Variants in PCDHGB1 observed in about 807,000 individuals in gnomAD.
The protein encoded by PCDHGB1 is protocadherin gamma subfamily B, 1.
A neutral mutation model predicts 56.6 loss-of-function variants in PCDHGB1; 34 were observed. The observed-to-expected ratio is 0.60, with a 90% confidence interval of 0.46 to 0.80. The LOEUF is 0.80. Ranked by LOEUF, PCDHGB1 falls within the 30% of genes least tolerant of loss-of-function variation. PCDHGB1 has a pLI of 0.00. For synonymous variants in PCDHGB1, 561 were observed against 505.9 expected (o/e 1.11, Z -1.46); for missense variants, 1,278 against 1,204.6 (o/e 1.06, Z -0.90).
intron 1 of PCDHGB1, among the ~76,000 whole-genome samples, chr5:141,363,346 G>C (rs1762883657): frequency 6.6e-6 from 1 of 152,068 alleles, no homozygotes; most frequent in African/African-American, 2.4e-5. Flanking sequence ...ATGACTTTCT[G>C]AAATGTCCAT....
chr5:141,422,996 C>G lies in PCDHGB1; in HGVS notation c.2409+70327C>G. 1.2e-6 allele frequency: 2 copies of G among 1,614,224 alleles called. No homozygotes were observed. The highest frequency in any genetic ancestry group is 1.7e-6 in the Non-Finnish European group (2 of 1,180,046). On this transcript the variant is annotated intron_variant, in intron 1 of 3. Coordinates refer to ENST00000523390, the MANE Select transcript of PCDHGB1 (RefSeq NM_018922.3). ...TCTGCGGAACCTGGCTACCTGGTGA[C>G]CAAGGTGGTTGCGGTGGACAAAGAT...
intron 1 of PCDHGB1, among the ~76,000 whole-genome samples, chr5:141,456,707 G>A (rs1198079338): frequency 6.6e-6 from 1 of 152,208 alleles, no homozygotes; most frequent in African/African-American, 2.4e-5. Context: ...GCTCGCGCCT[G>A]TAATCCCAGC....
chr5:141,372,048 G>C (rs1331862731), intron 1 of PCDHGB1: 1 of 1,613,392 alleles, frequency 6.2e-7, no homozygotes, highest in African/African-American at 1.3e-5. Flanking sequence ...GCGCGTGTTG[G>C]TGGACGACCG....
At position 141,490,044 on chromosome 5, in the gene PCDHGB1, T is replaced by C; in HGVS notation, c.2410-4763T>C. The C allele has an allele frequency of 1.2e-6, 2 of 1,614,192 alleles. No individual in the cohort carries two copies. Among genetic ancestry groups the C allele is most frequent in the Non-Finnish European group, 1.7e-6 (2 of 1,180,024 alleles). The stretch of plus-strand genomic sequence containing the variant: ...TGCTGCTCCGCCTCAATGCCACTGA[T>C]CCAGACGAGGGCACCAACGGCCAAC... On this transcript the variant is annotated intron_variant, in intron 1 of 3. Transcript: ENST00000523390. The surrounding 1 kb of genome is among the most constrained non-coding windows in gnomAD (Gnocchi z 5.4).
intron 1 of PCDHGB1, chr5:141,384,650 C>T (rs1213467381): frequency 6.2e-7 from 1 of 1,614,104 alleles, no homozygotes; most frequent in East Asian, 2.2e-5. Context: ...TCCGCAGAGC[C>T]CGGCTACCTG....
chr5:141,436,051 A>G (rs2097793554), intron 1 of PCDHGB1, among the ~76,000 whole-genome samples: 1 of 152,194 alleles, frequency 6.6e-6, no homozygotes, highest in Admixed American at 6.5e-5. Flanking sequence ...ATTAGTTTTC[A>G]AATAGAATTT....
At chr5:141,429,577 T>C (rs2097225544) in intron 1 of PCDHGB1, among the ~76,000 whole-genome samples, 2 of 152,230 alleles carry the variant, frequency 1.3e-5, no homozygotes, top group South Asian at 4.1e-4. Context: ...TTACATTTAC[T>C]TTTGATTCTT....
intron 1 of PCDHGB1, among the ~76,000 whole-genome samples, chr5:141,354,444 T>A (rs1759543565): frequency 6.6e-6 from 1 of 152,238 alleles, no homozygotes; most frequent in African/African-American, 2.4e-5. Context: ...AAACCTATTA[T>A]CCTATTTGTC....
intron 1 of PCDHGB1, chr5:141,355,396 A>G: frequency 2.5e-6 from 4 of 1,614,080 alleles, no homozygotes; most frequent in Non-Finnish European, 3.4e-6. Flanking sequence ...CGGAGTCCGC[A>G]TCGTCTCCAG....
chr5:141,404,475 A>G, intron 1 of PCDHGB1: 1 of 1,613,732 alleles, frequency 6.2e-7, no homozygotes, highest in Non-Finnish European at 8.5e-7. Flanking sequence ...GTCTCTATTA[A>G]CTCAGACACT....
chr5:141,351,190 A>T lies in PCDHGB1; in HGVS notation c.930A>T (p.Arg310Ser). 6.2e-7 allele frequency: 1 copy of T among 1,614,060 alleles called. No homozygotes were observed. Among genetic ancestry groups the T allele is most frequent in the South Asian group, 1.1e-5 (1 of 91,088 alleles). ...CATTGGATTTTGAAGAGACAAGTAG[A>T]TATGTGTTGAGTGTGGAAGCTAAGG... is the stretch of plus-strand genomic sequence containing the variant. ...NGTLDFEETS[R>S]YVLSVEAKDG... is the part of the protein sequence containing the mutation. Residue 310 changes from arginine (R) to serine (S), a missense_variant, in exon 1 of 4, where the codon AGA (arginine) becomes AGT (serine). Coordinates refer to ENST00000523390, the MANE Select transcript of PCDHGB1 (RefSeq NM_018922.3).
chr5:141,410,841 G>GT, intron 1 of PCDHGB1: 1 of 214,604 alleles, frequency 4.7e-6, no homozygotes, highest in Non-Finnish European at 7.8e-6. Context: ...AAGATATTTT[G>GT]TCTTTGTCTT....
At chr5:141,385,542 A>G in intron 1 of PCDHGB1, 1 of 1,327,542 alleles carries the variant, frequency 7.5e-7, no homozygotes. Context: ...GAATATGTGG[A>G]CTATCACATT....
At chr5:141,357,326 C>T in intron 1 of PCDHGB1, 8 of 1,614,082 alleles carry the variant, frequency 5.0e-6, no homozygotes, top group Non-Finnish European at 6.8e-6. Context: ...GCTTTTGTCA[C>T]GGTGCTGCTA....
intron 1 of PCDHGB1, chr5:141,399,718 C>T (rs770212703): frequency 6.2e-7 from 1 of 1,613,306 alleles, no homozygotes; most frequent in Non-Finnish European, 8.5e-7. Context: ...ACTACAGGCC[C>T]GCGACCAGGG....
In PCDHGB1 at chr5:141,489,734, A is replaced by G; in HGVS notation, c.2410-5073A>G. The G allele has an allele frequency of 6.2e-7, 1 of 1,614,164 alleles. No individual in the cohort carries two copies. Among genetic ancestry groups the G allele is most frequent in the Non-Finnish European group, 8.5e-7 (1 of 1,180,028 alleles). On this transcript the variant is annotated intron_variant, in intron 1 of 3. Transcript: ENST00000523390. This position sits in a 1 kb window ranked among gnomAD's most constrained non-coding sequence, Gnocchi z 4.5. ...GCCCAGGATCCGGATGTGGGCACCAATACTGTGAGCTTTTACACTCTAAGC... is the reference window on the plus strand; with the variant it reads ...GCCCAGGATCCGGATGTGGGCACCAGTACTGTGAGCTTTTACACTCTAAGC...
chr5:141,364,427 T>A, intron 1 of PCDHGB1: 1 of 1,613,768 alleles, frequency 6.2e-7, no homozygotes, highest in Non-Finnish European at 8.5e-7. Flanking sequence ...GCAGATCCGC[T>A]ACTCGATGCC....
At chr5:141,362,994 C>A (rs1023697492) in intron 1 of PCDHGB1, among the ~76,000 whole-genome samples, 1 of 152,232 alleles carries the variant, frequency 6.6e-6, no homozygotes, top group East Asian at 1.9e-4. Flanking sequence ...AATGGCATGG[C>A]TTGTTAATCA....
At chr5:141,420,064 C>T (rs1204112062) in intron 1 of PCDHGB1, 1 of 1,614,052 alleles carries the variant, frequency 6.2e-7, no homozygotes, top group Non-Finnish European at 8.5e-7. Context: ...GCTCCAAGTC[C>T]GGACCTGTGG....
Sources: gnomAD v4.1 joint callset for allele counts (sites outside exome capture counted in the v4.1 genomes callset) on GRCh38, gnomAD v4.1.1 for gene constraint, Gnocchi (gnomAD v3.1) non-coding constraint, MANE v1.5 for transcripts, NCBI Gene and HGNC (gene_info 2026-07-23, HGNC 2026-07-21) for gene names.